MAP4K3: variants seen among roughly 807,000 people sequenced by gnomAD.
MAP4K3 encodes the protein MAPK/ERK kinase kinase kinase 3.
MAP4K3 carries 94 observed loss-of-function variants against 143.5 expected under a neutral mutation model. The observed-to-expected ratio is 0.65, with a 90% CI of 0.55 to 0.78. The LOEUF (loss-of-function observed/expected upper bound fraction) is 0.78. Ranked by LOEUF, MAP4K3 falls within the 30% of genes least tolerant of loss-of-function variation. MAP4K3 has a pLI of 0.00. For missense variants in MAP4K3, 1,077 were observed against 1,068.1 expected, an observed-to-expected ratio of 1.01 and a Z score of -0.12; for synonymous variants, 416 against 347.2, an observed-to-expected ratio of 1.20 and a Z score of -2.20.
rs771288180 is a variant in MAP4K3, at chr2:39,326,284, T to G, written c.531-7A>C. 6.2e-7 allele frequency: 1 copy of G among 1,611,116 alleles called. No individual in the cohort carries two copies. Among genetic ancestry groups the G allele is most frequent in the Admixed American group, 1.7e-5 (1 of 59,200 alleles). On this transcript the variant is annotated splice_polypyrimidine_tract_variant and splice_region_variant and intron_variant, in intron 8 of 33. Coordinates refer to ENST00000263881, the MANE Select transcript of MAP4K3 (RefSeq NM_003618.4). The stretch of plus-strand genomic sequence containing the variant: ...TGCAACTTCTGGAGCCATCCTGAAA[T>G]AAATATTCCAGAAAATAAAAAACTT...
chr2:39,332,551 A>G (rs966106718), intron 7 of MAP4K3, among the ~76,000 whole-genome samples: 9 of 152,068 alleles, frequency 5.9e-5, no homozygotes, highest in African/African-American at 2.2e-4. Flanking sequence ...TTAGATAAGT[A>G]TTTGGAGATC....
intron 26 of MAP4K3, among the ~76,000 whole-genome samples, chr2:39,268,428 C>T (rs1328807711): frequency 1.3e-5 from 2 of 151,546 alleles, no homozygotes; most frequent in Non-Finnish European, 2.9e-5. Flanking sequence ...TCAAGCAATC[C>T]TCCTGTCTCA....
chr2:39,340,496 T>C (rs1343102745), intron 4 of MAP4K3, among the ~76,000 whole-genome samples: 8 of 152,216 alleles, frequency 5.3e-5, no homozygotes, highest in African/African-American at 1.2e-4. Context: ...TAAATCAGTA[T>C]TGACGAATTC....
chr2:39,391,975 G>A lies in MAP4K3; in HGVS notation c.97-13852C>T, dbSNP rs187614377. Among the ~76,000 whole-genome samples, 15 of 152,124 alleles carry A rather than the reference G, an allele frequency of 9.9e-5. No individual in the cohort carries two copies. In the East Asian group the frequency reaches 2.1e-3, roughly 22 times the overall value. On this transcript the variant is annotated intron_variant, in intron 1 of 33. Transcript: ENST00000263881. ...AGGCAGGCAGATCACGAGGTCAAGA[G>A]ATGGAGACCATCCTGGCCAACACGG...
chr2:39,321,201 T>C (rs1027493890), intron 12 of MAP4K3, among the ~76,000 whole-genome samples: 2 of 152,178 alleles, frequency 1.3e-5, no homozygotes, highest in Non-Finnish European at 2.9e-5. Flanking sequence ...TGTGTCTGTG[T>C]AGAAAGAAGT....
chr2:39,289,721 A>G (rs2148476521), intron 19 of MAP4K3, among the ~76,000 whole-genome samples: 1 of 152,330 alleles, frequency 6.6e-6, no homozygotes, highest in African/African-American at 2.4e-5. Context: ...TTCTAACCCA[A>G]GTCAAATAAC....
intron 1 of MAP4K3, among the ~76,000 whole-genome samples, chr2:39,390,169 T>C (rs537716960): frequency 5.9e-5 from 9 of 152,182 alleles, no homozygotes; most frequent in Non-Finnish European, 1.3e-4. Context: ...ACATTTACAT[T>C]TTGGGTTGTC....
intron 2 of MAP4K3, among the ~76,000 whole-genome samples, chr2:39,376,163 T>C (rs538964949): frequency 7.9e-5 from 12 of 152,330 alleles, no homozygotes; most frequent in African/African-American, 2.9e-4. Flanking sequence ...ATTTTACATT[T>C]CCACCAGCTG....
intron 12 of MAP4K3, among the ~76,000 whole-genome samples, chr2:39,321,279 G>C (rs563306514): frequency 8.5e-5 from 13 of 152,222 alleles, no homozygotes; most frequent in African/African-American, 2.9e-4. Flanking sequence ...GTTAATCTAT[G>C]ATCTTATTAC....
At chr2:39,302,626 G>A (rs17506800) in intron 15 of MAP4K3, among the ~76,000 whole-genome samples, 1,528 of 152,194 alleles carry the variant, frequency 0.01, 12 homozygotes, top group Non-Finnish European at 0.017. Flanking sequence ...TTGGAAAGGC[G>A]CTCAAACTAT....
rs757610385 is a variant in MAP4K3, at chr2:39,385,652, G to C, written c.97-7529C>G. On this transcript the variant is annotated intron_variant, in intron 1 of 33. Transcript: ENST00000263881. ...TGCAATTTTTTTTTTTTTTTGAGAC[G>C]AAGTTTCACTCTTATCGCCCAGGCT... is the stretch of plus-strand genomic sequence containing the variant. 6.2e-4 allele frequency among the ~76,000 whole-genome samples: 83 copies of C among 133,642 alleles called. 1 individual carries two copies. Among genetic ancestry groups the C allele is most frequent in the African/African-American group, 2.3e-3 (79 of 34,206 alleles). 87.7% of individuals were successfully genotyped at this position (133,642 alleles called of 152,430 possible). A position where few individuals can be genotyped will look rare whatever the true frequency, so the allele number is the denominator to read the frequency against.
At chr2:39,383,240 A>C (rs1200221997) in intron 1 of MAP4K3, among the ~76,000 whole-genome samples, 1 of 152,148 alleles carries the variant, frequency 6.6e-6, no homozygotes, top group Non-Finnish European at 1.5e-5. Flanking sequence ...CAGGGTTGGG[A>C]AGCCTCAGGA....
At chr2:39,418,498 C>T (rs1049833889) in intron 1 of MAP4K3, among the ~76,000 whole-genome samples, 5 of 152,122 alleles carry the variant, frequency 3.3e-5, no homozygotes, top group South Asian at 2.1e-4. Flanking sequence ...TTGAGTGTGG[C>T]GCTGTGTTTA....
intron 17 of MAP4K3, 123 bp from the exon 18 acceptor site, chr2:39,292,949 T>C (rs549230589): frequency 1.9e-4 from 157 of 805,616 alleles, no homozygotes; most frequent in Non-Finnish European, 2.4e-4. Flanking sequence ...CTTTATAGGA[T>C]AGGATAGATT....
chr2:39,319,822 T>A (rs1403698753), intron 12 of MAP4K3, among the ~76,000 whole-genome samples: 1 of 152,196 alleles, frequency 6.6e-6, no homozygotes, highest in Non-Finnish European at 1.5e-5. Context: ...TTGCATTCAT[T>A]TTTACATGAA....
At chr2:39,383,802 TAA>T (rs149365987) in intron 1 of MAP4K3, among the ~76,000 whole-genome samples, 10,413 of 152,010 alleles carry the variant, frequency 0.069, 1,202 homozygotes, top group African/African-American at 0.24. Context: ...TTTTTGTAAA[TAA>T]AAGTTTTACT....
chr2:39,363,949 T>C (rs1573201042), intron 2 of MAP4K3, among the ~76,000 whole-genome samples: 1 of 123,796 alleles, frequency 8.1e-6, no homozygotes, highest in East Asian at 2.4e-4. Context: ...GAAATGCAAA[T>C]CAAAAACATA....
chr2:39,315,625 T>C (rs1324604411), intron 12 of MAP4K3: 1 of 452,992 alleles, frequency 2.2e-6, no homozygotes, highest in Non-Finnish European at 3.9e-6. Context: ...AAAGGGCACT[T>C]CTTTGGCTAA....
At chr2:39,358,977 A>C (rs1250650023) in intron 2 of MAP4K3, among the ~76,000 whole-genome samples, 3 of 152,158 alleles carry the variant, frequency 2.0e-5, no homozygotes, top group Admixed American at 6.5e-5. Context: ...CTCACATTTC[A>C]AGTCACAATC....
Sources: gnomAD v4.1 joint callset for allele counts (sites outside exome capture counted in the v4.1 genomes callset) on GRCh38, gnomAD v4.1.1 for gene constraint, MANE v1.5 for transcripts, NCBI Gene and HGNC (gene_info 2026-07-23, HGNC 2026-07-21) for gene names.